The following CLCA2 variants were observed in gnomAD, a reference collection of about 807,000 sequenced individuals.
CLCA2 encodes the protein chloride channel accessory 2, also known as calcium-activated chloride channel regulator 2.
In CLCA2, 85 loss-of-function variants were observed where a neutral mutation model predicts 82.9. The observed-to-expected ratio is 1.03, with a 90% CI of 0.86 to 1.23. The LOEUF is 1.23. Ranked by LOEUF, CLCA2 falls within the 50% of genes most tolerant of loss-of-function variation. The pLI, the probability that CLCA2 is intolerant of heterozygous loss-of-function variation, is 0.00. For synonymous variants in CLCA2, 421 were observed against 391.7 expected (o/e 1.07, Z -0.88); for missense variants, 1,089 against 1,124.8 (o/e 0.97, Z 0.45).
chr1:86,438,823 T>G (rs1662663218), intron 6 of CLCA2, 53 bp from the exon 7 acceptor site: 2 of 1,473,898 alleles, frequency 1.4e-6, no homozygotes, highest in Non-Finnish European at 1.9e-6. Context: ...TTCATCATAC[T>G]TTTGTCTACT....
At chr1:86,442,213 C>T (rs201507924) in intron 9 of CLCA2, among the ~76,000 whole-genome samples, 4 of 152,172 alleles carry the variant, frequency 2.6e-5, no homozygotes, top group East Asian at 3.9e-4. Flanking sequence ...ATTTATTTAA[C>T]GTGAAGATTA....
At chr1:86,436,194 G>A (rs1194634457) in intron 6 of CLCA2, among the ~76,000 whole-genome samples, 2 of 152,132 alleles carry the variant, frequency 1.3e-5, no homozygotes, top group Non-Finnish European at 2.9e-5. Flanking sequence ...GTTATTTCTG[G>A]TCTATTGCAT....
rs538093826 is a variant in CLCA2 at position 86,450,609 on chromosome 1, C to T, written c.2031C>T (p.Phe677=). Residue 677 remains phenylalanine (F), a synonymous_variant, in exon 12 of 14, where the codon TTC becomes TTT. Coordinates refer to ENST00000370565, the MANE Select transcript of CLCA2 (RefSeq NM_006536.7). ...KNDGIYSRYF[F]SFAANGRYSL... ...ATGGAATTTACTCGAGGTATTTTTT[C>T]TCCTTTGCTGCAAATGGTAGATATA... 1 of 1,612,402 alleles carries T rather than the reference C, an allele frequency of 6.2e-7. No individual in the cohort carries two copies. The highest frequency in any genetic ancestry group is 8.5e-7 in the Non-Finnish European group (1 of 1,179,162).
At chr1:86,443,751 C>T (rs1267191413) in intron 9 of CLCA2, 36 bp from the exon 10 acceptor site, 1 of 1,481,962 alleles carries the variant, frequency 6.7e-7, no homozygotes, top group Non-Finnish European at 9.3e-7. Flanking sequence ...ATTATGCATA[C>T]ACCAGAAACT....
chr1:86,441,662 T>A (rs1177343186), intron 9 of CLCA2, 119 bp downstream of exon 9: 2 of 629,564 alleles, frequency 3.2e-6, no homozygotes, highest in Non-Finnish European at 5.5e-6. Context: ...GTAACAGCTG[T>A]GTATGGAAGG....
chr1:86,429,688 G>C (rs1662456656), intron 3 of CLCA2, among the ~76,000 whole-genome samples: 1 of 152,050 alleles, frequency 6.6e-6, no homozygotes. Flanking sequence ...TTTATTTTTT[G>C]TTTTTGATTT....
intron 3 of CLCA2, among the ~76,000 whole-genome samples, chr1:86,429,875 C>T (rs1435272892): frequency 3.3e-5 from 5 of 152,048 alleles, no homozygotes; most frequent in African/African-American, 2.4e-5. Flanking sequence ...TTTAGAAAAA[C>T]GTAGTTTTTT....
chr1:86,445,958 T>A (rs1300738241), intron 10 of CLCA2, among the ~76,000 whole-genome samples: 1 of 151,952 alleles, frequency 6.6e-6, no homozygotes, highest in African/African-American at 2.4e-5. Flanking sequence ...TTTTAAAATA[T>A]GCAGAAAACC....
chr1:86,450,463 T>G (rs1221790759), intron 11 of CLCA2, 100 bp from the exon 12 acceptor site: 4 of 889,422 alleles, frequency 4.5e-6, no homozygotes, highest in Non-Finnish European at 6.6e-6. Context: ...ATATATCTTA[T>G]ATAGAAAGAA....
At chr1:86,439,182 T>TA in intron 7 of CLCA2, 76 bp downstream of exon 7, 1 of 1,352,684 alleles carries the variant, frequency 7.4e-7, no homozygotes, top group East Asian at 2.4e-5. Flanking sequence ...TTTCCTCTGA[T>TA]GATGGGCAGT....
chr1:86,430,759 T>C lies in CLCA2; in HGVS notation c.476-103T>C, dbSNP rs908141080. 30 of 852,148 alleles carry C rather than the reference T, an allele frequency of 3.5e-5. No homozygotes were observed. The African/African-American group carries it at 4.8e-4, about 14-fold the overall frequency. The allele number at this position is 852,148 out of a possible 1,614,324, so 52.8% of individuals were successfully genotyped here. On this transcript the variant is annotated intron_variant, in intron 3 of 13. Coordinates refer to ENST00000370565, the MANE Select transcript of CLCA2 (RefSeq NM_006536.7). ...GAAGTAACTTAAACTCTTTGGTCAT[T>C]CCAAAGAGTATGTGTGGTCAAGAAA...
intron 8 of CLCA2, 73 bp downstream of exon 8, chr1:86,440,398 A>G: frequency 1.6e-6 from 2 of 1,270,774 alleles, no homozygotes; most frequent in Non-Finnish European, 2.2e-6. Flanking sequence ...CAACTATGAA[A>G]CTCATTATAT....
chr1:86,432,421 C>A lies in CLCA2; in HGVS notation c.637C>A (p.Gln213Lys). 6.2e-7 allele frequency: 1 copy of A among 1,613,962 alleles called. No individual in the cohort carries two copies. Among genetic ancestry groups the A allele is most frequent in the South Asian group, 1.1e-5 (1 of 91,072 alleles). ...IFVCEKGPCP[Q>K]ENCIISKLFK... is the part of the protein sequence containing the mutation. The stretch of plus-strand genomic sequence containing the variant: ...TGTGTGTGAAAAAGGTCCTTGCCCC[C>A]AAGAAAACTGTATTATTAGTAAGCT... Residue 213 changes from glutamine to lysine, a missense_variant, in exon 5 of 14, where the codon CAA (glutamine) becomes AAA (lysine). Physicochemically the swap from Gln to Lys is moderately conservative, Grantham distance 53. Coordinates refer to ENST00000370565, the MANE Select transcript of CLCA2 (RefSeq NM_006536.7).
At chr1:86,445,530 T>C (rs1662834624) in intron 10 of CLCA2, 1 of 152,098 alleles carries the variant, frequency 6.6e-6, no homozygotes, top group South Asian at 2.1e-4. Flanking sequence ...AATATCACCA[T>C]GGACTTTCGA....
chr1:86,432,027 C>T (rs527260899), intron 4 of CLCA2, among the ~76,000 whole-genome samples: 13 of 152,292 alleles, frequency 8.5e-5, no homozygotes, highest in Admixed American at 2.0e-4. Context: ...CTTCTGCCAC[C>T]TGGGTTCAAG....
intron 3 of CLCA2, among the ~76,000 whole-genome samples, chr1:86,428,784 G>C (rs55918137): frequency 0.012 from 1,897 of 152,276 alleles, 18 homozygotes; most frequent in Middle Eastern, 0.037. Context: ...AGTGCTATAA[G>C]AATTCAATCA....
intron 13 of CLCA2, 53 bp from the exon 14 acceptor site, chr1:86,455,032 A>G: frequency 9.1e-7 from 1 of 1,100,894 alleles, no homozygotes; most frequent in Non-Finnish European, 1.3e-6. Flanking sequence ...CTAATAAACT[A>G]GAAAATATAC....
Position 86,429,264 on chromosome 1 carries a change from C to T in CLCA2, c.475+696C>T, listed in dbSNP as rs143166969. Among the ~76,000 whole-genome samples, 266 of 152,238 alleles carry T rather than the reference C, an allele frequency of 1.7e-3. 1 individual carries two copies. Among genetic ancestry groups the T allele is most frequent in the African/African-American group, 5.6e-3 (234 of 41,526 alleles). On this transcript the variant is annotated intron_variant, in intron 3 of 13. Coordinates refer to ENST00000370565, the MANE Select transcript of CLCA2 (RefSeq NM_006536.7). The stretch of plus-strand genomic sequence containing the variant: ...ATAAGGACACTGAGGATTTCCTATG[C>T]GCTAGCCGCTCTGTGGTTTCCTTTT...
In CLCA2 at chr1:86,453,450, C is replaced by T. The variant is rs779283956; in HGVS notation, c.2237C>T (p.Ser746Leu). 1 of 1,614,100 alleles carries T rather than the reference C, an allele frequency of 6.2e-7. No homozygotes were observed. Among genetic ancestry groups the T allele is most frequent in the Non-Finnish European group, 8.5e-7 (1 of 1,180,030 alleles). ...ERKWGFSRVS[S>L]GGSFSVLGVP... is the part of the protein sequence containing the mutation. ...AAGTGGGGCTTTAGCCGAGTCAGCT[C>T]AGGAGGCTCCTTTTCAGTGCTGGGA... Residue 746 changes from serine to leucine, a missense_variant, in exon 13 of 14, where the codon TCA becomes TTA. Physicochemically the swap from Ser to Leu is moderately radical, Grantham distance 145. Coordinates refer to ENST00000370565, the MANE Select transcript of CLCA2 (RefSeq NM_006536.7).
Sources: gnomAD v4.1 joint callset for allele counts (sites outside exome capture counted in the v4.1 genomes callset) on GRCh38, gnomAD v4.1.1 for gene constraint, MANE v1.5 for transcripts, NCBI Gene and HGNC (gene_info 2026-07-23, HGNC 2026-07-21) for gene names.